Variants in TXLNB observed in about 807,000 individuals in gnomAD.
The protein encoded by TXLNB is beta-taxilin.
In TXLNB, 37 loss-of-function variants were observed where a neutral mutation model predicts 57.4. The observed-to-expected ratio is 0.64, with a 90% CI of 0.50 to 0.85. TXLNB has a LOEUF of 0.85. TXLNB is among the 40% of genes least tolerant of loss of function. The probability of loss-of-function intolerance (pLI) is 0.00; values close to 1 mark genes in which losing one functional copy is unlikely to be tolerated. For missense variants in TXLNB, 848 were observed against 825.6 expected, an observed-to-expected ratio of 1.03 and a Z score of -0.33; for synonymous variants, 302 against 309.6, an observed-to-expected ratio of 0.98 and a Z score of 0.26.
At chr6:139,167,207 G>T in the TXLNB span, 1 of 1,614,134 alleles carries the variant, frequency 6.2e-7, no homozygotes, top group Non-Finnish European at 8.5e-7. Context: ...GGTAAACTGT[G>T]CCCTGTGCCA....
intron 4 of TXLNB, among the ~76,000 whole-genome samples, chr6:139,270,021 T>C (rs1472693959): frequency 6.6e-6 from 1 of 152,160 alleles, no homozygotes; most frequent in Non-Finnish European, 1.5e-5. Flanking sequence ...GTCAATTCGG[T>C]GTGTGTCCAT....
At position 139,242,744 on chromosome 6, in the gene TXLNB, G is replaced by A. The variant is rs1030084066; in HGVS notation, c.1837C>T (p.Gln613Ter). 7 of 1,613,430 alleles carry A rather than the reference G, an allele frequency of 4.3e-6. No homozygotes were observed. Among genetic ancestry groups the A allele is most frequent in the East Asian group, 2.2e-5 (1 of 44,856 alleles). Reference sequence around the variant, plus strand: ...GCCTCGGTGGGAGCCTGTGGGGCCTGACCGGAAGCTTCTGCCTCTGGCTTC... The same window carrying A: ...GCCTCGGTGGGAGCCTGTGGGGCCTAACCGGAAGCTTCTGCCTCTGGCTTC... ...SWKPEAEASG[Q>*]APQAPTEASL... The change falls in exon 10 of 10, where the codon CAG becomes TAG. Residue 613 changes from glutamine (Q) to a stop codon, truncating the protein, a stop_gained. Transcript: ENST00000358430. LOFTEE classifies it low-confidence loss of function (END_TRUNC).
At chr6:139,323,536 G>C in the TXLNB span, among the ~76,000 whole-genome samples, 1 of 152,164 alleles carries the variant, frequency 6.6e-6, no homozygotes, top group Admixed American at 6.5e-5. Context: ...GCCCGCCTCG[G>C]CCTCCCAGAG....
intron 1 of TXLNB, among the ~76,000 whole-genome samples, chr6:139,289,321 A>G (rs1777252646): frequency 1.4e-5 from 2 of 143,088 alleles, no homozygotes; most frequent in African/African-American, 2.5e-5. Flanking sequence ...TGCAGCCCCC[A>G]GTCACGTACC....
the TXLNB span, among the ~76,000 whole-genome samples, chr6:139,298,420 T>A: frequency 6.6e-6 from 1 of 152,246 alleles, no homozygotes; most frequent in Non-Finnish European, 1.5e-5. Context: ...ACAGGGGACA[T>A]TTGGCTCATG....
At chr6:139,287,469 A>G (rs1777202654) in intron 2 of TXLNB, among the ~76,000 whole-genome samples, 1 of 152,196 alleles carries the variant, frequency 6.6e-6, no homozygotes. Context: ...TTCTGACTCC[A>G]ATGCTCATGA....
the TXLNB span, among the ~76,000 whole-genome samples, chr6:139,226,245 C>G: frequency 8.0e-6 from 1 of 124,230 alleles, no homozygotes; most frequent in South Asian, 2.7e-4. Context: ...TTGCAGTGAG[C>G]TGAGATTGCT....
In TXLNB at chr6:139,244,635, A is replaced by G. The variant is rs753296863; in HGVS notation, c.1226T>C (p.Phe409Ser). 8.7e-6 allele frequency: 14 copies of G among 1,614,004 alleles called. No homozygotes were observed. The African/African-American group carries it at 1.1e-4, about 12-fold the overall frequency. The change falls in exon 9 of 10, where the codon TTT becomes TCT. Residue 409 changes from phenylalanine (F) to serine (S), a missense_variant. Transcript: ENST00000358430. ...CAACAGAGCTTTGTTACAGTTCTCA[A>G]ATCGGGCTTTCCATGTGGCTGTGTC... is the stretch of plus-strand genomic sequence containing the variant. Reference protein sequence around the residue: ...EKDTATWKARFENCNKALLDM... With the variant: ...EKDTATWKARSENCNKALLDM...
At chr6:139,166,537 C>A in the TXLNB span, 1 of 1,614,274 alleles carries the variant, frequency 6.2e-7, no homozygotes, top group Non-Finnish European at 8.5e-7. Flanking sequence ...CCTTCCGCTT[C>A]TGCTCTTGCC....
the TXLNB span, among the ~76,000 whole-genome samples, chr6:139,307,084 T>C: frequency 6.6e-6 from 1 of 152,254 alleles, no homozygotes; most frequent in Non-Finnish European, 1.5e-5. Flanking sequence ...TGTTGCCATC[T>C]ATACTTTTGA....
chr6:139,211,400 C>T, the TXLNB span, among the ~76,000 whole-genome samples: 2,970 of 152,302 alleles, frequency 0.02, 110 homozygotes, highest in African/African-American at 0.067. Context: ...TAAACTCCAA[C>T]AGACCTGCAG....
intron 7 of TXLNB, among the ~76,000 whole-genome samples, chr6:139,254,866 T>C (rs535848457): frequency 6.6e-6 from 1 of 152,334 alleles, no homozygotes; most frequent in South Asian, 2.1e-4. Context: ...TCGCCCAGGC[T>C]GGAGTGCAGT....
intron 9 of TXLNB, among the ~76,000 whole-genome samples, chr6:139,244,025 A>G (rs2114426266): frequency 6.6e-6 from 1 of 151,910 alleles, no homozygotes; most frequent in East Asian, 1.9e-4. Flanking sequence ...AGAGACCTTC[A>G]CCTGTAAGCC....
At chr6:139,183,690 G>T in the TXLNB span, 14 of 152,300 alleles carry the variant, frequency 9.2e-5, no homozygotes, top group Admixed American at 3.3e-4. Flanking sequence ...AATAATTAAA[G>T]GTTGTTTTAT....
At chr6:139,303,857 CT>C in the TXLNB span, among the ~76,000 whole-genome samples, 1,902 of 131,168 alleles carry the variant, frequency 0.015, 21 homozygotes, top group African/African-American at 0.037. Flanking sequence ...AGTTCCTGGT[CT>C]TTTTTTTTTT....
intron 7 of TXLNB, among the ~76,000 whole-genome samples, chr6:139,248,401 C>A (rs1776118357): frequency 6.6e-6 from 1 of 151,436 alleles, no homozygotes; most frequent in Admixed American, 6.6e-5. Flanking sequence ...GATGCTGAGG[C>A]AGGAGAATCG....
chr6:139,265,446 CTG>C (rs527777964), intron 4 of TXLNB, among the ~76,000 whole-genome samples: 20 of 146,286 alleles, frequency 1.4e-4, no homozygotes, highest in South Asian at 2.1e-4. Context: ...GTGTGTGTGT[CTG>C]TGTGTGTGTG....
chr6:139,250,842 CA>C (rs1776187356), intron 7 of TXLNB, among the ~76,000 whole-genome samples: 3 of 152,184 alleles, frequency 2.0e-5, no homozygotes, highest in Admixed American at 1.3e-4. Flanking sequence ...TCAGCCTCAA[CA>C]TGAGCTAACA....
intron 6 of TXLNB, among the ~76,000 whole-genome samples, chr6:139,257,640 G>C (rs1583002004): frequency 6.6e-6 from 1 of 152,142 alleles, no homozygotes; most frequent in Admixed American, 6.5e-5. Context: ...TGGCTAGTCA[G>C]TCTGGAGGCT....
Sources: gnomAD v4.1 joint callset for allele counts (sites outside exome capture counted in the v4.1 genomes callset) on GRCh38, gnomAD v4.1.1 for gene constraint, MANE v1.5 for transcripts, NCBI Gene and HGNC (gene_info 2026-07-23, HGNC 2026-07-21) for gene names.